The following SEMA3E variants were observed in gnomAD, a reference collection of about 807,000 sequenced individuals.
SEMA3E encodes the protein semaphorin-3E.
A neutral mutation model predicts 93.6 loss-of-function variants in SEMA3E; 49 were observed. The ratio of observed to expected loss-of-function variants is 0.52; its 90% CI spans 0.42 to 0.66. SEMA3E has a LOEUF of 0.66. SEMA3E is among the 30% of genes least tolerant of loss of function. SEMA3E has a pLI of 0.00. For missense variants in SEMA3E, 906 were observed against 964.8 expected (o/e 0.94, Z 0.81); for synonymous variants, 363 against 330.7 (o/e 1.10, Z -1.06).
At chr7:83,637,038 G>A (rs62475071) in intron 1 of SEMA3E, among the ~76,000 whole-genome samples, 55 of 132,530 alleles carry the variant, frequency 4.2e-4, no homozygotes, top group Non-Finnish European at 8.1e-4. Flanking sequence ...GTGTGTGTGT[G>A]TATGTGTGTG....
intron 1 of SEMA3E, among the ~76,000 whole-genome samples, chr7:83,565,890 A>G (rs1437603329): frequency 2.0e-5 from 3 of 152,144 alleles, no homozygotes; most frequent in Admixed American, 6.5e-5. Flanking sequence ...TTTCTTTTAA[A>G]AAGTCCTTTT....
At chr7:83,552,500 C>T (rs1791786137) in intron 1 of SEMA3E, among the ~76,000 whole-genome samples, 1 of 152,172 alleles carries the variant, frequency 6.6e-6, no homozygotes, top group Non-Finnish European at 1.5e-5. Flanking sequence ...CAAGGTCTGA[C>T]TAACCGCGGG....
intron 16 of SEMA3E, chr7:83,371,550 G>C (rs528305038): frequency 6.6e-6 from 1 of 152,216 alleles, no homozygotes. Context: ...AGCTACAAGC[G>C]TAAGGAATGT....
At chr7:83,481,442 C>A (rs138660856) in intron 2 of SEMA3E, among the ~76,000 whole-genome samples, 114 of 152,040 alleles carry the variant, frequency 7.5e-4, no homozygotes, top group African/African-American at 2.4e-3. Flanking sequence ...TGATTGAAAT[C>A]AAAATTCTCA....
At chr7:83,391,607 T>TA (rs398111524) in intron 14 of SEMA3E, among the ~76,000 whole-genome samples, 48 of 151,980 alleles carry the variant, frequency 3.2e-4, no homozygotes, top group Admixed American at 1.6e-3. Flanking sequence ...ATCATTTTTT[T>TA]AAAATACTCA....
At chr7:83,619,880 A>G (rs1562858079) in intron 1 of SEMA3E, among the ~76,000 whole-genome samples, 1 of 147,960 alleles carries the variant, frequency 6.8e-6, no homozygotes, top group Non-Finnish European at 1.5e-5. Context: ...AGATAGATAG[A>G]TAGATGATAG....
chr7:83,452,618 C>T (rs1431378067), intron 4 of SEMA3E, among the ~76,000 whole-genome samples: 2 of 152,164 alleles, frequency 1.3e-5, no homozygotes, highest in Admixed American at 6.5e-5. Context: ...AAGAAGTCTA[C>T]CTTTCTAATA....
chr7:83,646,660 C>G (rs1292368237), intron 1 of SEMA3E, among the ~76,000 whole-genome samples: 1 of 152,014 alleles, frequency 6.6e-6, no homozygotes, highest in East Asian at 1.9e-4. Flanking sequence ...TGACACCACT[C>G]ATAACATCAG....
chr7:83,531,365 G>A (rs1278659958), intron 1 of SEMA3E, among the ~76,000 whole-genome samples: 2 of 24,978 alleles, frequency 8.0e-5, no homozygotes, highest in East Asian at 8.3e-4. Flanking sequence ...TTTTTTTTCC[G>A]AGATGGAGTT....
At chr7:83,408,263 A>G in intron 6 of SEMA3E, 105 bp downstream of exon 6, 1 of 1,310,012 alleles carries the variant, frequency 7.6e-7, no homozygotes, top group Non-Finnish European at 1.1e-6. Flanking sequence ...GAAATTTGTA[A>G]AGGAATTGTA....
At chr7:83,611,410 C>T (rs1319090506) in intron 1 of SEMA3E, among the ~76,000 whole-genome samples, 1 of 142,690 alleles carries the variant, frequency 7.0e-6, no homozygotes, top group African/African-American at 2.6e-5. Flanking sequence ...ATATATATCT[C>T]ACATCCAGAT....
intron 4 of SEMA3E, among the ~76,000 whole-genome samples, chr7:83,441,540 C>T (rs748731925): frequency 3.3e-5 from 5 of 152,060 alleles, no homozygotes; most frequent in South Asian, 2.1e-4. Context: ...CTGGGTCTGC[C>T]GTTGATATGA....
intron 2 of SEMA3E, among the ~76,000 whole-genome samples, chr7:83,476,519 G>GT (rs1315706507): frequency 1.3e-5 from 2 of 152,206 alleles, no homozygotes; most frequent in Non-Finnish European, 2.9e-5. Context: ...GTTTACCAAA[G>GT]TTTTTTTCTT....
chr7:83,557,790 TG>T (rs1298280396), intron 1 of SEMA3E, among the ~76,000 whole-genome samples: 2 of 152,160 alleles, frequency 1.3e-5, no homozygotes, highest in Non-Finnish European at 2.9e-5. Flanking sequence ...TAGCTCAATG[TG>T]CATCCCTCTA....
intron 1 of SEMA3E, among the ~76,000 whole-genome samples, chr7:83,535,560 T>C (rs917745192): frequency 1.3e-5 from 2 of 152,156 alleles, no homozygotes; most frequent in Non-Finnish European, 2.9e-5. Flanking sequence ...AAGACAGCAT[T>C]AAAGAACCTA....
intron 1 of SEMA3E, among the ~76,000 whole-genome samples, chr7:83,519,102 C>G (rs1790992760): frequency 6.6e-6 from 1 of 151,972 alleles, no homozygotes; most frequent in Non-Finnish European, 1.5e-5. Flanking sequence ...GGTATATCTC[C>G]TAAAGCTATC....
intron 1 of SEMA3E, among the ~76,000 whole-genome samples, chr7:83,591,569 T>C (rs1473054347): frequency 6.6e-6 from 1 of 152,080 alleles, no homozygotes; most frequent in African/African-American, 2.4e-5. Context: ...TTTACACATA[T>C]AAATTAAGAA....
intron 1 of SEMA3E, 51 bp downstream of exon 1, chr7:83,648,377 C>CT (rs1584386116): frequency 3.9e-6 from 5 of 1,297,302 alleles, no homozygotes; most frequent in East Asian, 4.8e-5. Flanking sequence ...TTTCTTTTTT[C>CT]TTTTTCTTTT....
chr7:83,526,930 T>A, intron 1 of SEMA3E, among the ~76,000 whole-genome samples: 1 of 152,124 alleles, frequency 6.6e-6, no homozygotes, highest in Non-Finnish European at 1.5e-5. Context: ...AATTGTGACC[T>A]CATAATGATA....
Sources: gnomAD v4.1 joint callset for allele counts (sites outside exome capture counted in the v4.1 genomes callset) on GRCh38, gnomAD v4.1.1 for gene constraint, MANE v1.5 for transcripts, NCBI Gene and HGNC (gene_info 2026-07-23, HGNC 2026-07-21) for gene names.